ARHGAP15: variants seen among roughly 807,000 people sequenced by gnomAD.
ARHGAP15 encodes the protein rho GTPase-activating protein 15.
Under a neutral mutation model 63.7 loss-of-function variants are expected in ARHGAP15, and 51 were observed. The ratio of observed to expected loss-of-function variants is 0.80; its 90% CI spans 0.64 to 1.01. ARHGAP15 has a LOEUF of 1.01. ARHGAP15 is among the 50% of genes least tolerant of loss of function. The pLI, the probability that ARHGAP15 is intolerant of heterozygous loss-of-function variation, is 0.00. For missense variants in ARHGAP15, 560 were observed against 564.6 expected, an observed-to-expected ratio of 0.99 and a Z score of 0.08; for synonymous variants, 191 against 193.8, an observed-to-expected ratio of 0.99 and a Z score of 0.12.
chr2:143,408,814 TAATTA>T (rs1009213171), intron 6 of ARHGAP15, among the ~76,000 whole-genome samples: 44 of 152,098 alleles, frequency 2.9e-4, no homozygotes, highest in African/African-American at 8.4e-4. Context: ...AACTTCAGTA[TAATTA>T]AATTAATATT....
intron 9 of ARHGAP15, among the ~76,000 whole-genome samples, chr2:143,500,327 T>C (rs1407877863): frequency 6.6e-6 from 1 of 151,676 alleles, no homozygotes; most frequent in Non-Finnish European, 1.5e-5. Flanking sequence ...CAGTAACACA[T>C]TAAGGCAGGA....
chr2:143,691,730 T>C (rs1237710747), intron 12 of ARHGAP15, among the ~76,000 whole-genome samples: 2 of 152,212 alleles, frequency 1.3e-5, no homozygotes, highest in Admixed American at 1.3e-4. Context: ...ATAATTTCAC[T>C]GTACATCACA....
At chr2:143,153,467 TAAG>T (rs1246044998) in intron 1 of ARHGAP15, among the ~76,000 whole-genome samples, 1 of 151,952 alleles carries the variant, frequency 6.6e-6, no homozygotes, top group African/African-American at 2.4e-5. Flanking sequence ...AAAAGGAAAA[TAAG>T]AGCAAAATAA....
At chr2:143,153,861 CTCCTCCTCCTCT>C (rs1173829105) in intron 1 of ARHGAP15, among the ~76,000 whole-genome samples, 2 of 81,672 alleles carry the variant, frequency 2.4e-5, no homozygotes, top group African/African-American at 3.4e-5. Flanking sequence ...CCTCCTCCTC[CTCCTCCTCCTCT>C]TCCTCCTCCT....
intron 8 of ARHGAP15, among the ~76,000 whole-genome samples, chr2:143,463,178 T>C (rs1417709633): frequency 2.0e-5 from 3 of 151,960 alleles, no homozygotes; most frequent in Admixed American, 6.6e-5. Flanking sequence ...GGGAGCCAAA[T>C]ATACTGGAAA....
At chr2:143,516,493 C>T (rs1415562782) in intron 9 of ARHGAP15, among the ~76,000 whole-genome samples, 1 of 151,514 alleles carries the variant, frequency 6.6e-6, no homozygotes, top group Non-Finnish European at 1.5e-5. Flanking sequence ...TTTTATGACA[C>T]CTGCTATATT....
chr2:143,242,116 A>T (rs550309655), intron 5 of ARHGAP15, among the ~76,000 whole-genome samples: 88 of 152,248 alleles, frequency 5.8e-4, no homozygotes, highest in African/African-American at 2.1e-3. Context: ...TGCCTCAGCC[A>T]TGGGAGGCTA....
At chr2:143,725,095 A>T (rs969407859) in intron 13 of ARHGAP15, among the ~76,000 whole-genome samples, 1 of 152,232 alleles carries the variant, frequency 6.6e-6, no homozygotes, top group African/African-American at 2.4e-5. Flanking sequence ...TTGTTGTTCG[A>T]TTATTGTTAA....
chr2:143,316,107 A>G (rs1683693154), intron 6 of ARHGAP15, among the ~76,000 whole-genome samples: 1 of 152,134 alleles, frequency 6.6e-6, no homozygotes, highest in East Asian at 1.9e-4. Context: ...ATAAAAATAA[A>G]TAAATATTTA....
intron 6 of ARHGAP15, among the ~76,000 whole-genome samples, chr2:143,354,779 T>A (rs796455296): frequency 3.7e-4 from 56 of 152,308 alleles, no homozygotes; most frequent in African/African-American, 1.3e-3. Context: ...TGCAAAACAT[T>A]AATTTCAAAG....
intron 12 of ARHGAP15, among the ~76,000 whole-genome samples, chr2:143,697,913 A>G (rs542740928): frequency 1.8e-4 from 27 of 152,228 alleles, no homozygotes; most frequent in Non-Finnish European, 3.5e-4. Context: ...AATAGAAACT[A>G]GAGAACTGCT....
intron 1 of ARHGAP15, among the ~76,000 whole-genome samples, chr2:143,154,814 T>A (rs1690015191): frequency 6.6e-6 from 1 of 151,954 alleles, no homozygotes; most frequent in African/African-American, 2.4e-5. Flanking sequence ...CATACTAAAT[T>A]TTCTTGCCTA....
Position 143,624,242 on chromosome 2 carries a change from C to T in ARHGAP15, c.1113C>T (p.Phe371=). 6.2e-7 allele frequency: 1 copy of T among 1,613,436 alleles called. No individual in the cohort carries two copies. The highest frequency in any genetic ancestry group is 8.5e-7 in the Non-Finnish European group (1 of 1,179,648). The change falls in exon 12 of 14, where the codon TTC becomes TTT. Residue 371 remains phenylalanine, a synonymous_variant. Transcript: ENST00000295095. ...ELPEPLFPYS[F]FEQFVEAIKK... is the part of the protein sequence containing the mutation. ...CTGAGCCGCTCTTCCCTTACAGTTT[C>T]TTTGAGCAGTTTGTGGAAGCGATCA...
intron 13 of ARHGAP15, among the ~76,000 whole-genome samples, chr2:143,759,816 A>G (rs1001020928): frequency 2.0e-5 from 3 of 152,172 alleles, no homozygotes; most frequent in African/African-American, 7.2e-5. Context: ...CTCTCTGCTC[A>G]TTAGTATTAC....
At chr2:143,553,945 A>G (rs1235168461) in intron 10 of ARHGAP15, among the ~76,000 whole-genome samples, 10 of 152,318 alleles carry the variant, frequency 6.6e-5, no homozygotes, top group Admixed American at 4.6e-4. Context: ...ATGAATATGC[A>G]TATTAAAATG....
intron 6 of ARHGAP15, among the ~76,000 whole-genome samples, chr2:143,433,232 G>A (rs1484227126): frequency 6.6e-6 from 1 of 152,064 alleles, no homozygotes; most frequent in Non-Finnish European, 1.5e-5. Flanking sequence ...ACCAGTCAAA[G>A]ATTTTGAAAC....
At position 143,669,621 on chromosome 2, in the gene ARHGAP15, A is replaced by G. The variant is rs533050169; in HGVS notation, c.1139-33798A>G. Among the ~76,000 whole-genome samples, 12 of 152,338 alleles carry G rather than the reference A, an allele frequency of 7.9e-5. No homozygotes were observed. The South Asian group carries it at 2.3e-3, about 29-fold the overall frequency. ...GACACCTTCTAGCTGTGTCCCCACA[A>G]TGCTGGAAGGGGCAAGGCAGCTCTC... On this transcript the variant is annotated intron_variant, in intron 12 of 13. Coordinates refer to ENST00000295095, the MANE Select transcript of ARHGAP15 (RefSeq NM_018460.4).
intron 8 of ARHGAP15, among the ~76,000 whole-genome samples, chr2:143,455,888 G>T (rs1002234024): frequency 5.3e-5 from 8 of 151,626 alleles, no homozygotes; most frequent in African/African-American, 1.9e-4. Context: ...ATCCCAAATG[G>T]TCTGGAGGCT....
intron 6 of ARHGAP15, among the ~76,000 whole-genome samples, chr2:143,346,202 T>TCACACACACACTCTCTCTCA (rs1685274771): frequency 7.5e-6 from 1 of 133,322 alleles, no homozygotes; most frequent in Non-Finnish European, 1.6e-5. Flanking sequence ...ACTCTCTCTC[T>TCACACACACACTCTCTCTCA]CACACACACA....
Sources: gnomAD v4.1 joint callset for allele counts (sites outside exome capture counted in the v4.1 genomes callset) on GRCh38, gnomAD v4.1.1 for gene constraint, MANE v1.5 for transcripts, NCBI Gene and HGNC (gene_info 2026-07-23, HGNC 2026-07-21) for gene names.